CNTN5: variants seen among roughly 807,000 people sequenced by gnomAD.
CNTN5 encodes the protein contactin 5.
A neutral mutation model predicts 129.1 loss-of-function variants in CNTN5; 77 were observed. That is an observed-to-expected ratio of 0.60 (90% CI 0.50 to 0.72). The LOEUF (loss-of-function observed/expected upper bound fraction) is 0.72. CNTN5 is among the 30% of genes least tolerant of loss of function. The pLI is 0.00. For missense variants in CNTN5, 1,478 were observed against 1,328.8 expected, an observed-to-expected ratio of 1.11 and a Z score of -1.75; for synonymous variants, 509 against 465.6, an observed-to-expected ratio of 1.09 and a Z score of -1.20.
In CNTN5 at chr11:100,190,150, G is replaced by T. The variant is rs185663773; in HGVS notation, c.1581-976G>T. On this transcript the variant is annotated intron_variant, in intron 13 of 24. Coordinates refer to ENST00000524871, the MANE Select transcript of CNTN5 (RefSeq NM_014361.4). ...TTAAATAGTTTAATATTATCATACT[G>T]CCATGGAATAAATTGTCCTTAGAAT... is the stretch of plus-strand genomic sequence containing the variant. 2.9e-3 allele frequency among the ~76,000 whole-genome samples: 437 copies of T among 152,052 alleles called. 2 individuals carry two copies. The highest frequency in any genetic ancestry group is 0.01 in the African/African-American group (423 of 41,482).
chr11:99,450,597 A>T (rs1043021260), intron 2 of CNTN5, among the ~76,000 whole-genome samples: 1 of 152,082 alleles, frequency 6.6e-6, no homozygotes, highest in African/African-American at 2.4e-5. Context: ...CCCACTAACA[A>T]TGAAAGAGTT....
intron 1 of CNTN5, among the ~76,000 whole-genome samples, chr11:99,247,230 A>G (rs992221456): frequency 1.7e-4 from 26 of 152,084 alleles, no homozygotes; most frequent in Non-Finnish European, 3.2e-4. Flanking sequence ...AAATTAAGAT[A>G]CACATTTTTA....
chr11:99,974,447 A>G (rs1343999619), intron 8 of CNTN5, among the ~76,000 whole-genome samples: 1 of 152,184 alleles, frequency 6.6e-6, no homozygotes, highest in African/African-American at 2.4e-5. Flanking sequence ...TATTGGATTA[A>G]TTTCATCAAT....
Position 99,658,909 on chromosome 11 carries a change from A to G in CNTN5, c.55+102640A>G, listed in dbSNP as rs1183929856. ...GTCTCAAAAAAAAAAAAAAAAAGAAAAAGAAAAATATAATGAGTGCCATTG... is the reference window on the plus strand; with the variant it reads ...GTCTCAAAAAAAAAAAAAAAAAGAAGAAGAAAAATATAATGAGTGCCATTG... On this transcript the variant is annotated intron_variant, in intron 3 of 24. Transcript: ENST00000524871. 2.7e-5 allele frequency among the ~76,000 whole-genome samples: 4 copies of G among 150,268 alleles called. 1 individual carries two copies. The highest frequency in any genetic ancestry group is 4.2e-4 in the South Asian group (2 of 4,796).
At chr11:99,678,519 A>G (rs1755993633) in intron 3 of CNTN5, among the ~76,000 whole-genome samples, 3 of 152,174 alleles carry the variant, frequency 2.0e-5, no homozygotes, top group Admixed American at 1.3e-4. Flanking sequence ...GTCAGCACTT[A>G]TACGAGAAAG....
chr11:99,913,478 A>T (rs1949712840), intron 6 of CNTN5, among the ~76,000 whole-genome samples: 1 of 152,070 alleles, frequency 6.6e-6, no homozygotes, highest in South Asian at 2.1e-4. Context: ...CAATATAAAA[A>T]AATCTATTTA....
At chr11:99,170,174 A>G (rs1861076906) in intron 1 of CNTN5, among the ~76,000 whole-genome samples, 1 of 152,102 alleles carries the variant, frequency 6.6e-6, no homozygotes, top group Non-Finnish European at 1.5e-5. Context: ...TTTATATAGC[A>G]GATAATATAT....
At chr11:100,067,534 T>G (rs563404487) in intron 10 of CNTN5, among the ~76,000 whole-genome samples, 1 of 152,106 alleles carries the variant, frequency 6.6e-6, no homozygotes, top group South Asian at 2.1e-4. Context: ...GTATAGCTCT[T>G]ACACATAACA....
At chr11:99,442,563 C>T (rs1372443362) in intron 2 of CNTN5, among the ~76,000 whole-genome samples, 7 of 152,178 alleles carry the variant, frequency 4.6e-5, no homozygotes, top group East Asian at 1.9e-4. Flanking sequence ...TTTCTATCAG[C>T]GTGTTTTATT....
intron 7 of CNTN5, among the ~76,000 whole-genome samples, chr11:99,933,637 T>A (rs1425973941): frequency 6.6e-6 from 1 of 152,220 alleles, no homozygotes; most frequent in Non-Finnish European, 1.5e-5. Flanking sequence ...GATTCAGGCA[T>A]GTTGCTGAGG....
chr11:99,821,353 G>A (rs1030997464), intron 4 of CNTN5, among the ~76,000 whole-genome samples: 2 of 152,152 alleles, frequency 1.3e-5, no homozygotes, highest in African/African-American at 2.4e-5. Context: ...ACAATTCAAG[G>A]TGTCTACTAT....
At chr11:99,952,924 G>A (rs1950711146) in intron 7 of CNTN5, among the ~76,000 whole-genome samples, 1 of 152,120 alleles carries the variant, frequency 6.6e-6, no homozygotes, top group African/African-American at 2.4e-5. Flanking sequence ...GGCTCCCTGG[G>A]ACAGTTTCGT....
rs927214140 is a variant in CNTN5 at position 99,840,625 on chromosome 11, A to T, written c.278-4227A>T. On this transcript the variant is annotated intron_variant, in intron 4 of 24. Transcript: ENST00000524871. ...ATACCTAGCAGTTTGTTAATAAGAG[A>T]TCTGATAGAGGAAAAAAACACAGAA... Among the ~76,000 whole-genome samples, 6 of 152,230 alleles carry T rather than the reference A, an allele frequency of 3.9e-5. No individual in the cohort carries two copies. The East Asian group carries it at 9.7e-4, about 25-fold the overall frequency.
intron 3 of CNTN5, among the ~76,000 whole-genome samples, chr11:99,811,927 G>A (rs941618299): frequency 2.0e-5 from 3 of 152,134 alleles, no homozygotes; most frequent in Non-Finnish European, 2.9e-5. Flanking sequence ...TTAAAAGACT[G>A]AGCAACTGAT....
chr11:99,437,013 A>G (rs1052771906), intron 2 of CNTN5, among the ~76,000 whole-genome samples: 1 of 152,142 alleles, frequency 6.6e-6, no homozygotes, highest in African/African-American at 2.4e-5. Flanking sequence ...GTGAACTCCA[A>G]CTGTCTATGT....
intron 3 of CNTN5, among the ~76,000 whole-genome samples, chr11:99,600,064 A>C (rs1950266745): frequency 2.0e-5 from 3 of 152,134 alleles, no homozygotes; most frequent in Non-Finnish European, 4.4e-5. Flanking sequence ...AGGGAGGAGG[A>C]ATAAACTCAG....
chr11:99,494,058 A>G (rs1946135053), intron 2 of CNTN5, among the ~76,000 whole-genome samples: 1 of 152,188 alleles, frequency 6.6e-6, no homozygotes, highest in African/African-American at 2.4e-5. Context: ...TTTTCCTGAG[A>G]ATTAAAATCT....
intron 3 of CNTN5, among the ~76,000 whole-genome samples, chr11:99,711,603 G>A: frequency 6.6e-6 from 1 of 151,742 alleles, no homozygotes; most frequent in East Asian, 1.9e-4. Flanking sequence ...TTCACGTTAG[G>A]TATTTCTCCT....
intron 4 of CNTN5, among the ~76,000 whole-genome samples, chr11:99,830,237 C>T (rs1947096001): frequency 1.3e-5 from 2 of 152,084 alleles, no homozygotes; most frequent in African/African-American, 4.8e-5. Flanking sequence ...TAAGGCTAAG[C>T]ACATAATTTT....
Sources: allele counts gnomAD v4.1 joint callset (sites outside exome capture counted in the v4.1 genomes callset), GRCh38; gene constraint gnomAD v4.1.1; transcripts MANE v1.5; gene names NCBI Gene and HGNC (gene_info 2026-07-23, HGNC 2026-07-21).